Variants in TRMT44 observed in about 807,000 individuals in gnomAD.
The protein encoded by TRMT44 is tRNA methyltransferase 44 homolog, also known as probable tRNA (uracil-O(2)-)-methyltransferase.
A neutral mutation model predicts 77.3 loss-of-function variants in TRMT44; 78 were observed. The observed-to-expected ratio is 1.01, with a 90% CI of 0.84 to 1.22. TRMT44 has a LOEUF of 1.22. Ranked by LOEUF, TRMT44 falls within the 50% of genes most tolerant of loss-of-function variation. The pLI is 0.00. For missense variants in TRMT44, 1,090 were observed against 964.4 expected, an observed-to-expected ratio of 1.13 and a Z score of -1.73; for synonymous variants, 391 against 383.3, an observed-to-expected ratio of 1.02 and a Z score of -0.23.
intron 5 of TRMT44, 127 bp from the exon 6 acceptor site, chr4:8,454,615 T>C (rs12506703): frequency 0.015 from 12,237 of 817,312 alleles, 220 homozygotes; most frequent in African/African-American, 0.052. Context: ...GGGTATGAGT[T>C]GCTGGCAGGA....
intron 2 of TRMT44, among the ~76,000 whole-genome samples, chr4:8,483,461 C>T (rs1028768212): frequency 6.6e-6 from 1 of 152,060 alleles, no homozygotes; most frequent in African/African-American, 2.4e-5. Flanking sequence ...TGGAATGAGA[C>T]TGGGGCCTAA....
chr4:8,442,983 A>G (rs1724844488), intron 1 of TRMT44, among the ~76,000 whole-genome samples: 1 of 152,136 alleles, frequency 6.6e-6, no homozygotes, highest in African/African-American at 2.4e-5. Context: ...TTTGCCATAT[A>G]ATACAGTATA....
At chr4:8,483,362 G>A (rs973365241) in intron 2 of TRMT44, among the ~76,000 whole-genome samples, 2 of 151,932 alleles carry the variant, frequency 1.3e-5, no homozygotes, top group African/African-American at 2.4e-5. Context: ...GAGTAGTTGA[G>A]AACGGTGAAT....
chr4:8,493,635 C>G (rs1339104583), downstream of TRMT44: 1 of 152,176 alleles, frequency 6.6e-6, no homozygotes, highest in African/African-American at 2.4e-5. Flanking sequence ...GAGGCATTCA[C>G]TCCTCTGTCT....
intron 2 of TRMT44, among the ~76,000 whole-genome samples, chr4:8,490,272 C>T (rs1287840539): frequency 2.0e-5 from 3 of 152,228 alleles, no homozygotes; most frequent in Non-Finnish European, 2.9e-5. Flanking sequence ...GGTTCTTGGT[C>T]TCACTGACTT....
In TRMT44 at chr4:8,452,871, T is replaced by C; in HGVS notation, c.1024-11T>C. The C allele has an allele frequency of 6.7e-7, 1 of 1,488,676 alleles. No homozygotes were observed. Among genetic ancestry groups the C allele is most frequent in the Non-Finnish European group, 9.0e-7 (1 of 1,111,980 alleles). The allele number at this position is 1,488,676 out of a possible 1,614,324, so 92.2% of individuals were successfully genotyped here. ...ACCACCTGACTTTGTTTTGTTTTTC[T>C]CTTCACTTAGATTCTATGGGAAGAA... On this transcript the variant is annotated splice_polypyrimidine_tract_variant and intron_variant, in intron 4 of 10. Coordinates refer to ENST00000389737, the MANE Select transcript of TRMT44 (RefSeq NM_152544.3). This position sits in a 1 kb window ranked among gnomAD's most constrained non-coding sequence, Gnocchi z 5.7.
intron 6 of TRMT44, among the ~76,000 whole-genome samples, chr4:8,459,523 G>C (rs1726023902): frequency 6.6e-6 from 1 of 152,148 alleles, no homozygotes; most frequent in Non-Finnish European, 1.5e-5. Flanking sequence ...TTGACCATCT[G>C]TTTTCAGATT....
downstream of TRMT44, among the ~76,000 whole-genome samples, chr4:8,498,502 GA>G (rs1728214678): frequency 6.6e-6 from 1 of 152,224 alleles, no homozygotes; most frequent in Non-Finnish European, 1.5e-5. This position sits in a 1 kb window ranked among gnomAD's most constrained non-coding sequence, Gnocchi z 4.3. Flanking sequence ...AAGGCAAAGG[GA>G]AAGCAGGCAT....
At chr4:8,487,007 A>T (rs1727830912) in intron 2 of TRMT44, among the ~76,000 whole-genome samples, 1 of 152,178 alleles carries the variant, frequency 6.6e-6, no homozygotes, top group Admixed American at 6.5e-5. Context: ...GAGGGAAAGA[A>T]GGAAGGTTTG....
At chr4:8,492,313 C>A (rs1034665930) in intron 2 of TRMT44, among the ~76,000 whole-genome samples, 1 of 152,196 alleles carries the variant, frequency 6.6e-6, no homozygotes, top group Non-Finnish European at 1.5e-5. Flanking sequence ...AAAGTCAGGT[C>A]CAGCCTTTCC....
chr4:8,467,910 G>A lies in TRMT44; in HGVS notation c.1495-4G>A, dbSNP rs1482739981. The A allele has an allele frequency of 6.9e-6, 11 of 1,589,294 alleles. No individual in the cohort carries two copies. Among genetic ancestry groups the A allele is most frequent in the East Asian group, 2.3e-5 (1 of 44,390 alleles). On this transcript the variant is annotated splice_region_variant and splice_polypyrimidine_tract_variant and intron_variant, in intron 8 of 10. Coordinates refer to ENST00000389737, the MANE Select transcript of TRMT44 (RefSeq NM_152544.3). ...AATACTTGCTTTGCTTTCTTCAAAC[G>A]CAGGTCTGTCTCGTTGGAAAATCCA...
the TRMT44 span, chr4:8,506,963 C>T: frequency 6.5e-6 from 1 of 152,748 alleles, no homozygotes; most frequent in African/African-American, 2.4e-5. Flanking sequence ...GTGGAATTGT[C>T]ATCAGACAGG....
At chr4:8,471,332 C>T in intron 10 of TRMT44, 132 bp downstream of exon 10, 2 of 613,250 alleles carry the variant, frequency 3.3e-6, no homozygotes, top group Non-Finnish European at 5.4e-6. Flanking sequence ...CGCGGTGCCC[C>T]ACCCAGCTCT....
In TRMT44 at chr4:8,461,396, G is replaced by A. The variant is rs1726147125; in HGVS notation, c.1204-2589G>A. On this transcript the variant is annotated intron_variant, in intron 6 of 10. Coordinates refer to ENST00000389737, the MANE Select transcript of TRMT44 (RefSeq NM_152544.3). This position sits in a 1 kb window ranked among gnomAD's most constrained non-coding sequence, Gnocchi z 4.6. ...TAATGATCAAAGCTAAAGCAGTAGTGGTGTGGTTGATTTCAAAATTCCATG... is the reference window on the plus strand; with the variant it reads ...TAATGATCAAAGCTAAAGCAGTAGTAGTGTGGTTGATTTCAAAATTCCATG... Among the ~76,000 whole-genome samples, 1 of 152,268 alleles carries A rather than the reference G, an allele frequency of 6.6e-6. No homozygotes were observed. Among genetic ancestry groups the A allele is most frequent in the African/African-American group, 2.4e-5 (1 of 41,554 alleles).
At chr4:8,472,240 C>T (rs1356694240) in intron 10 of TRMT44, among the ~76,000 whole-genome samples, 1 of 152,130 alleles carries the variant, frequency 6.6e-6, no homozygotes, top group Non-Finnish European at 1.5e-5. Context: ...TGAGCTGGGC[C>T]TGGAAGGAAA....
At position 8,449,733 on chromosome 4, in the gene TRMT44, C is replaced by T; in HGVS notation, c.799C>T (p.Pro267Ser). 1 of 1,536,040 alleles carries T rather than the reference C, an allele frequency of 6.5e-7. No homozygotes were observed. The highest frequency in any genetic ancestry group is 1.2e-5 in the South Asian group (1 of 84,060). The change falls in exon 3 of 11, where the codon CCC becomes TCC. Residue 267 changes from proline to serine, a missense_variant. By Grantham distance (74) the Pro-to-Ser change is moderately conservative. Transcript: ENST00000389737. ...TTCAGATGGAATCGTGTATCCCAAA[C>T]CCACGTGGCTTGGAGAAGAGTTGCT... The part of the protein sequence containing the change: ...WHSDGIVYPK[P>S]TWLGEELLAK...
rs537694102 is a variant in TRMT44 at position 8,463,139 on chromosome 4, A to G, written c.1204-846A>G. ...TGAGTGTTCTCAGAATGTCTTCCCCATTATGATCAGGGAATAACTTCTGTT... is the reference window on the plus strand; with the variant it reads ...TGAGTGTTCTCAGAATGTCTTCCCCGTTATGATCAGGGAATAACTTCTGTT... On this transcript the variant is annotated intron_variant, in intron 6 of 10. Transcript: ENST00000389737. Among the ~76,000 whole-genome samples, 34 of 152,308 alleles carry G rather than the reference A, an allele frequency of 2.2e-4. No homozygotes were observed. In the South Asian group the frequency reaches 6.0e-3, roughly 27 times the overall value.
At chr4:8,470,068 G>A (rs1726878888) in intron 9 of TRMT44, among the ~76,000 whole-genome samples, 1 of 152,288 alleles carries the variant, frequency 6.6e-6, no homozygotes, top group Non-Finnish European at 1.5e-5. Context: ...GGCACCCATG[G>A]CTGAGTGTGA....
chr4:8,444,693 C>T lies in TRMT44; in HGVS notation c.620-1783C>T, dbSNP rs116575409. On this transcript the variant is annotated intron_variant, in intron 1 of 10. Transcript: ENST00000389737. This position sits in a 1 kb window ranked among gnomAD's most constrained non-coding sequence, Gnocchi z 4.0. ...GGTTACGGGCGTGAGCCACCTCTCCCGGCCACTATTGTACATTTTTAAATA... is the reference window on the plus strand; with the variant it reads ...GGTTACGGGCGTGAGCCACCTCTCCTGGCCACTATTGTACATTTTTAAATA... Among the ~76,000 whole-genome samples, 1,352 of 152,308 alleles carry T rather than the reference C, an allele frequency of 8.9e-3. 13 individuals carry two copies. The highest frequency in any genetic ancestry group is 0.017 in the Middle Eastern group (5 of 294).
Sources: allele counts gnomAD v4.1 joint callset (sites outside exome capture counted in the v4.1 genomes callset), GRCh38; gene constraint gnomAD v4.1.1; non-coding constraint Gnocchi (gnomAD v3.1); transcripts MANE v1.5; gene names NCBI Gene and HGNC (gene_info 2026-07-23, HGNC 2026-07-21).